The following MARCHF1 variants were observed in gnomAD, a reference collection of about 807,000 sequenced individuals.
The protein encoded by MARCHF1 is membrane associated ring-CH-type finger 1, also known as E3 ubiquitin-protein ligase MARCHF1.
In MARCHF1, 40 loss-of-function variants were observed where a neutral mutation model predicts 54.2. The ratio of observed to expected loss-of-function variants is 0.74; its 90% CI spans 0.57 to 0.96. The LOEUF is 0.96. Among genes scored for constraint, MARCHF1 ranks in the 40% least tolerant of loss-of-function variants. MARCHF1 has a pLI of 0.00. For synonymous variants in MARCHF1, 236 were observed against 236.3 expected (o/e 1.00, Z 0.01); for missense variants, 586 against 656.5 (o/e 0.89, Z 1.17).
intron 1 of MARCHF1, among the ~76,000 whole-genome samples, chr4:164,212,452 C>T (rs1731802695): frequency 6.6e-6 from 1 of 152,014 alleles, no homozygotes; most frequent in African/African-American, 2.4e-5. Context: ...ATTTTGATAT[C>T]TTTCTATGGA....
intron 4 of MARCHF1, among the ~76,000 whole-genome samples, chr4:163,781,754 G>A (rs1384755897): frequency 6.6e-6 from 1 of 152,160 alleles, no homozygotes; most frequent in African/African-American, 2.4e-5. Context: ...ACGGAAAAGA[G>A]AAGGAATAAT....
intron 1 of MARCHF1, among the ~76,000 whole-genome samples, chr4:164,251,248 C>T (rs1220326411): frequency 2.6e-5 from 4 of 152,174 alleles, no homozygotes; most frequent in East Asian, 3.9e-4. Context: ...CTTTTTCTAA[C>T]GTTCAAAGGC....
At chr4:163,727,505 C>T (rs1745697010) in intron 4 of MARCHF1, among the ~76,000 whole-genome samples, 1 of 151,994 alleles carries the variant, frequency 6.6e-6, no homozygotes, top group Admixed American at 6.6e-5. Context: ...TGGGGTTTCA[C>T]TGTGTCAGCC....
At chr4:164,371,154 A>G (rs1731025951) in intron 1 of MARCHF1, among the ~76,000 whole-genome samples, 1 of 152,192 alleles carries the variant, frequency 6.6e-6, no homozygotes, top group Non-Finnish European at 1.5e-5. Flanking sequence ...TGCCAGAGTT[A>G]GCCTCACAAA....
intron 2 of MARCHF1, among the ~76,000 whole-genome samples, chr4:164,035,930 T>TA (rs35474146): frequency 2.7e-4 from 32 of 116,600 alleles, no homozygotes; most frequent in Middle Eastern, 4.2e-3. Context: ...AAACTAAAAC[T>TA]AAAAAAAAAA....
At chr4:163,728,248 T>A (rs555746018) in intron 4 of MARCHF1, among the ~76,000 whole-genome samples, 6 of 152,308 alleles carry the variant, frequency 3.9e-5, no homozygotes, top group African/African-American at 1.2e-4. Context: ...TTGCTGTAGT[T>A]ACAATAGGAA....
intron 4 of MARCHF1, among the ~76,000 whole-genome samples, chr4:163,822,471 ACTCCTTC>A (rs1328557506): frequency 6.6e-6 from 1 of 151,778 alleles, no homozygotes; most frequent in African/African-American, 2.4e-5. Flanking sequence ...ATAAAATGTG[ACTCCTTC>A]CTCTGGAAAA....
intron 2 of MARCHF1, among the ~76,000 whole-genome samples, chr4:163,993,062 A>G (rs1463193299): frequency 6.6e-6 from 1 of 152,076 alleles, no homozygotes. Context: ...TTATCTTGTA[A>G]AGGAGACGGA....
intron 1 of MARCHF1, among the ~76,000 whole-genome samples, chr4:164,283,740 A>C (rs1379670395): frequency 6.6e-6 from 1 of 151,020 alleles, no homozygotes; most frequent in Non-Finnish European, 1.5e-5. Flanking sequence ...GAGTCATTAA[A>C]CAATCTCGCC....
intron 2 of MARCHF1, 52 bp downstream of exon 2, chr4:164,111,536 C>T (rs777375070): frequency 6.6e-6 from 1 of 151,372 alleles, no homozygotes; most frequent in Admixed American, 6.6e-5. Flanking sequence ...GATTTTCTGC[C>T]ATGGAAAGTC....
chr4:164,100,067 CCTTTTA>C (rs1358029517), intron 2 of MARCHF1, among the ~76,000 whole-genome samples: 1 of 152,134 alleles, frequency 6.6e-6, no homozygotes, highest in Non-Finnish European at 1.5e-5. Context: ...ACTGAATTTT[CCTTTTA>C]AAGACTTCTA....
rs115870449 is a variant in MARCHF1 at position 164,088,892 on chromosome 4, A to T, written c.-248+22696T>A. Among the ~76,000 whole-genome samples the T allele has an allele frequency of 5.7e-3, 872 of 152,342 alleles. 6 individuals carry two copies. The highest frequency in any genetic ancestry group is 0.017 in the Middle Eastern group (5 of 294). The stretch of plus-strand genomic sequence containing the variant: ...ATAGGGATTATTTTCTTTAAATTAT[A>T]TGTAAGAAGAGATACATGCTAAAAT... On this transcript the variant is annotated intron_variant, in intron 2 of 9. Coordinates refer to ENST00000514618, the MANE Select transcript of MARCHF1 (RefSeq NM_001394959.1).
chr4:164,321,570 A>G (rs1181738934), intron 1 of MARCHF1, among the ~76,000 whole-genome samples: 1 of 152,146 alleles, frequency 6.6e-6, no homozygotes, highest in Non-Finnish European at 1.5e-5. Context: ...CTGCAACATC[A>G]GATGAAAGAA....
At chr4:163,530,898 C>A (rs1738325156) in intron 9 of MARCHF1, among the ~76,000 whole-genome samples, 2 of 151,736 alleles carry the variant, frequency 1.3e-5, no homozygotes, top group Admixed American at 1.3e-4. Context: ...TTGGCCAAAG[C>A]TCACACAGGA....
intron 2 of MARCHF1, among the ~76,000 whole-genome samples, chr4:164,102,758 A>G (rs1006308837): frequency 6.6e-6 from 1 of 151,304 alleles, no homozygotes; most frequent in Non-Finnish European, 1.5e-5. Context: ...AAATTCACAC[A>G]TAACAATATT....
chr4:163,969,567 A>G (rs1350351288), intron 3 of MARCHF1, among the ~76,000 whole-genome samples: 1 of 152,186 alleles, frequency 6.6e-6, no homozygotes, highest in East Asian at 1.9e-4. Flanking sequence ...TTTTTCTCAG[A>G]CGGTATGTTC....
chr4:163,556,965 T>C (rs1739314036), intron 8 of MARCHF1, among the ~76,000 whole-genome samples: 1 of 152,146 alleles, frequency 6.6e-6, no homozygotes, highest in Admixed American at 6.5e-5. Context: ...TGTGCATTTA[T>C]TTTTTTCTGG....
chr4:164,057,403 T>C (rs1334988852), intron 2 of MARCHF1, among the ~76,000 whole-genome samples: 1 of 152,240 alleles, frequency 6.6e-6, no homozygotes, highest in Non-Finnish European at 1.5e-5. Context: ...TTAATTATTT[T>C]TCTAGACACA....
chr4:163,752,509 A>G (rs1746552384), intron 4 of MARCHF1, among the ~76,000 whole-genome samples: 1 of 152,188 alleles, frequency 6.6e-6, no homozygotes, highest in Non-Finnish European at 1.5e-5. Flanking sequence ...CTTTGTTTTC[A>G]GGCATTTTTA....
Sources: gnomAD v4.1 joint callset for allele counts (sites outside exome capture counted in the v4.1 genomes callset) on GRCh38, gnomAD v4.1.1 for gene constraint, MANE v1.5 for transcripts, NCBI Gene and HGNC (gene_info 2026-07-23, HGNC 2026-07-21) for gene names.